RFC3: variants seen among roughly 807,000 people sequenced by gnomAD.
RFC3 encodes the protein replication factor C subunit 3, also known as A1 38 kDa subunit.
Under a neutral mutation model 45.1 loss-of-function variants are expected in RFC3, and 41 were observed. The ratio of observed to expected loss-of-function variants is 0.91; its 90% CI spans 0.71 to 1.18. RFC3 has a LOEUF of 1.18. Ranked by LOEUF, RFC3 falls within the 50% of genes most tolerant of loss-of-function variation. The pLI is 0.00. For missense variants in RFC3, 423 were observed against 428.1 expected (o/e 0.99, Z 0.10); for synonymous variants, 149 against 144.0 (o/e 1.03, Z -0.25).
At chr13:33,836,000 T>A (rs41546912) in intron 8 of RFC3, 104 bp from the exon 9 acceptor site, 5 of 1,187,834 alleles carry the variant, frequency 4.2e-6, no homozygotes, top group Non-Finnish European at 5.8e-6. Flanking sequence ...CTCACACATA[T>A]AAAGAGAGTA....
intron 8 of RFC3, among the ~76,000 whole-genome samples, chr13:33,890,048 ATC>A (rs1191234557): frequency 3.9e-5 from 6 of 152,128 alleles, no homozygotes; most frequent in Admixed American, 6.5e-5. Context: ...TTATATATGT[ATC>A]TGTTAGTACG....
At chr13:33,971,787 A>T in the RFC3 span, among the ~76,000 whole-genome samples, 1 of 152,210 alleles carries the variant, frequency 6.6e-6, no homozygotes, top group Non-Finnish European at 1.5e-5. Flanking sequence ...TCTCTTTAAT[A>T]GTTATGTAAG....
At chr13:33,953,979 C>A (rs1003086164) in intron 8 of RFC3, among the ~76,000 whole-genome samples, 1 of 152,128 alleles carries the variant, frequency 6.6e-6, no homozygotes, top group Non-Finnish European at 1.5e-5. Context: ...CTCTGAAAAT[C>A]TGGGATGATG....
intron 8 of RFC3, among the ~76,000 whole-genome samples, chr13:33,902,889 A>G (rs1481679028): frequency 6.6e-6 from 1 of 151,466 alleles, no homozygotes; most frequent in East Asian, 1.9e-4. Context: ...CCACACTTAA[A>G]ATACCCTAAC....
At chr13:33,826,236 T>G (rs1024047195) in intron 4 of RFC3, among the ~76,000 whole-genome samples, 2 of 152,208 alleles carry the variant, frequency 1.3e-5, no homozygotes, top group South Asian at 4.1e-4. Flanking sequence ...GTTTAGACTT[T>G]ACCATCCAAG....
At chr13:33,888,045 T>C (rs976376178) in intron 8 of RFC3, among the ~76,000 whole-genome samples, 78 of 152,206 alleles carry the variant, frequency 5.1e-4, no homozygotes, top group Admixed American at 2.0e-4. Context: ...TGTAGTATAG[T>C]TTGAAGTCAG....
intron 8 of RFC3, among the ~76,000 whole-genome samples, chr13:33,924,235 T>C (rs2082787759): frequency 6.6e-6 from 1 of 152,130 alleles, no homozygotes; most frequent in African/African-American, 2.4e-5. Context: ...TATTCTTTTT[T>C]TCACTTATTT....
chr13:33,947,977 C>T (rs2082964695), intron 8 of RFC3, among the ~76,000 whole-genome samples: 1 of 152,134 alleles, frequency 6.6e-6, no homozygotes, highest in Non-Finnish European at 1.5e-5. Flanking sequence ...AAAGAAAACC[C>T]CATTTTCTTG....
At chr13:33,821,466 G>A (rs1432427914) in intron 2 of RFC3, among the ~76,000 whole-genome samples, 197 bp downstream of exon 2, 1 of 152,156 alleles carries the variant, frequency 6.6e-6, no homozygotes, top group Non-Finnish European at 1.5e-5. Flanking sequence ...ATGTTAGATA[G>A]GAAATAAGAG....
chr13:33,950,633 A>AG (rs1566039999), intron 8 of RFC3, among the ~76,000 whole-genome samples: 2 of 152,240 alleles, frequency 1.3e-5, no homozygotes, highest in Non-Finnish European at 2.9e-5. Flanking sequence ...TGAGGCCAAC[A>AG]CACAGGTCAA....
chr13:33,944,541 G>T (rs1952606), intron 8 of RFC3, among the ~76,000 whole-genome samples: 1 of 151,948 alleles, frequency 6.6e-6, no homozygotes, highest in Non-Finnish European at 1.5e-5. Flanking sequence ...GTTCATTTGC[G>T]ATCACCATCC....
intron 8 of RFC3, among the ~76,000 whole-genome samples, chr13:33,935,744 C>T (rs946420562): frequency 6.6e-6 from 1 of 152,134 alleles, no homozygotes; most frequent in Non-Finnish European, 1.5e-5. Context: ...TTCTGATTGA[C>T]TTTGTGGGAA....
intron 8 of RFC3, among the ~76,000 whole-genome samples, chr13:33,935,813 A>G (rs1156908857): frequency 6.6e-6 from 1 of 152,196 alleles, no homozygotes; most frequent in African/African-American, 2.4e-5. Flanking sequence ...AAACCAACCA[A>G]TCAACAATGT....
intron 8 of RFC3, among the ~76,000 whole-genome samples, chr13:33,953,994 G>A (rs1057062267): frequency 1.3e-5 from 2 of 152,280 alleles, no homozygotes; most frequent in Admixed American, 1.3e-4. Flanking sequence ...ATGATGAGAA[G>A]ACCTCAGGCA....
intron 6 of RFC3, 136 bp downstream of exon 6, chr13:33,830,991 C>A: frequency 1.4e-6 from 1 of 690,922 alleles, no homozygotes; most frequent in Non-Finnish European, 2.4e-6. Context: ...ATTGTTCCAC[C>A]TCAGATTATT....
intron 6 of RFC3, among the ~76,000 whole-genome samples, 156 bp from the exon 7 acceptor site, chr13:33,831,100 A>C (rs1054427773): frequency 6.6e-6 from 1 of 152,220 alleles, no homozygotes; most frequent in African/African-American, 2.4e-5. Context: ...CTGGTCCGAC[A>C]GGAGGTGGAA....
At chr13:33,919,497 A>T (rs1028608158) in intron 8 of RFC3, among the ~76,000 whole-genome samples, 1 of 152,156 alleles carries the variant, frequency 6.6e-6, no homozygotes, top group African/African-American at 2.4e-5. Flanking sequence ...TACACCAATT[A>T]TATTTGTACT....
At position 33,836,737 on chromosome 13, in the gene RFC3, T is replaced by C. The variant is rs1358659655; in HGVS notation, c.*442T>C. ...TAGTTTCTCTCAATGAATAATTGTA[T>C]TTTTGTAGGAAATGTAAGATTTCAT... On this transcript the variant is annotated 3_prime_UTR_variant, in exon 9 of 9. Coordinates refer to ENST00000380071, the MANE Select transcript of RFC3 (RefSeq NM_002915.4). The C allele has an allele frequency of 5.1e-6, 5 of 984,742 alleles. No homozygotes were observed. The African/African-American group carries it at 5.2e-5, about 10-fold the overall frequency. 61.0% of individuals were successfully genotyped at this position (984,742 alleles called of 1,614,324 possible). A position where few individuals can be genotyped will look rare whatever the true frequency, so the allele number is the denominator to read the frequency against.
At chr13:33,950,101 A>G (rs1040604983) in intron 8 of RFC3, among the ~76,000 whole-genome samples, 2 of 150,234 alleles carry the variant, frequency 1.3e-5, no homozygotes, top group African/African-American at 5.0e-5. Flanking sequence ...ACACACACAC[A>G]CACACCCCGT....
Sources: gnomAD v4.1 joint callset for allele counts (sites outside exome capture counted in the v4.1 genomes callset) on GRCh38, gnomAD v4.1.1 for gene constraint, MANE v1.5 for transcripts, NCBI Gene and HGNC (gene_info 2026-07-23, HGNC 2026-07-21) for gene names.